The following SLC19A1 variants were observed in gnomAD, a reference collection of about 807,000 sequenced individuals.
SLC19A1 encodes solute carrier family 19 member 1, also known as reduced folate transporter.
Under a neutral mutation model 35.3 loss-of-function variants are expected in SLC19A1, and 37 were observed. The observed-to-expected ratio is 1.05, with a 90% CI of 0.81 to 1.38. The LOEUF (loss-of-function observed/expected upper bound fraction) is 1.38. SLC19A1 is among the 40% of genes most tolerant of loss of function. The pLI, the probability that SLC19A1 is intolerant of heterozygous loss-of-function variation, is 0.00. For missense variants in SLC19A1, 831 were observed against 826.9 expected, an observed-to-expected ratio of 1.00 and a Z score of -0.06; for synonymous variants, 460 against 398.5, an observed-to-expected ratio of 1.15 and a Z score of -1.84.
intron 2 of SLC19A1, among the ~76,000 whole-genome samples, chr21:45,535,078 G>A (rs1476801536): frequency 6.6e-6 from 1 of 152,264 alleles, no homozygotes; most frequent in Non-Finnish European, 1.5e-5. Context: ...CAGCAGGACT[G>A]GATGCCACAG....
chr21:45,512,421 C>T (rs776540420), downstream of SLC19A1: 104 of 1,605,936 alleles, frequency 6.5e-5, no homozygotes, highest in South Asian at 8.1e-4. Flanking sequence ...TGCGGATGGC[C>T]GGAGAGGACC....
chr21:45,515,436 C>T lies in SLC19A1; in HGVS notation c.*222G>A, dbSNP rs1459084363. ...ACCCACCTCTTCCAGCAACAAAGCC[C>T]GCGGGGCACAGTGCAGGGACAGCAT... On this transcript the variant is annotated 3_prime_UTR_variant, in exon 6 of 6. Transcript: ENST00000311124. 30 of 1,454,878 alleles carry T rather than the reference C, an allele frequency of 2.1e-5. No homozygotes were observed. Among genetic ancestry groups the T allele is most frequent in the Admixed American group, 2.8e-5 (1 of 35,662 alleles). 90.1% of individuals were successfully genotyped at this position (1,454,878 alleles called of 1,614,324 possible).
At chr21:45,539,004 G>A (rs907768462) in intron 1 of SLC19A1, among the ~76,000 whole-genome samples, 34 of 152,300 alleles carry the variant, frequency 2.2e-4, no homozygotes, top group African/African-American at 7.5e-4. Context: ...GCGGGCAAGG[G>A]CACGTCTCAC....
chr21:45,530,802 G>T lies in SLC19A1; in HGVS notation c.1119C>A (p.Arg373=). The T allele has an allele frequency of 6.4e-7, 1 of 1,566,490 alleles. No homozygotes were observed. Among genetic ancestry groups the T allele is most frequent in the East Asian group, 2.4e-5 (1 of 42,480 alleles). ...TGGGCACGAGGAACTGGTAGGAGCC[G>T]CGGAACAGCACGAAGGCCGCATAGC... ...WLCYAAFVLF[R]GSYQFLVPIA... is the part of the protein sequence containing the mutation. The change falls in exon 4 of 6, where the codon CGC becomes CGA. Residue 373 remains arginine (R), a synonymous_variant. Coordinates refer to ENST00000311124, the MANE Select transcript of SLC19A1 (RefSeq NM_194255.4). This position sits in a 1 kb window ranked among gnomAD's most constrained non-coding sequence, Gnocchi z 5.3.
At chr21:45,528,238 G>A (rs1371545690) in intron 4 of SLC19A1, among the ~76,000 whole-genome samples, 1 of 152,160 alleles carries the variant, frequency 6.6e-6, no homozygotes, top group African/African-American at 2.4e-5. Flanking sequence ...GCGCTGGGCA[G>A]GGCAGAGCCC....
chr21:45,505,292 G>T lies in SLC19A1; in HGVS notation c.498-6680C>A, dbSNP rs2037127539. The T allele has an allele frequency of 1.2e-6, 2 of 1,607,794 alleles. No individual in the cohort carries two copies. The highest frequency in any genetic ancestry group is 2.2e-5 in the South Asian group (2 of 90,826). ...CTCACAGGCAGAGTAAGTCAGTGGG[G>T]AGTGGGCCCCGGGCAGAGGCCGCCT... On this transcript the variant is annotated intron_variant, in intron 3 of 4. Transcript: ENST00000417954.
chr21:45,558,806 CTTTTTTCTTTTTTT>C (rs1166480543), intron 1 of SLC19A1, among the ~76,000 whole-genome samples: 3 of 139,002 alleles, frequency 2.2e-5, no homozygotes, highest in Non-Finnish European at 3.2e-5. Context: ...TTTTCTTTTT[CTTTTTTCTTTTTTT>C]TTTTTTTGAG....
In SLC19A1 at chr21:45,514,702, A is replaced by C. The variant is rs1184302028; in HGVS notation, c.*956T>G. 1 of 327,878 alleles carries C rather than the reference A, an allele frequency of 3.0e-6. No individual in the cohort carries two copies. The highest frequency in any genetic ancestry group is 2.1e-5 in the African/African-American group (1 of 46,830). The allele number at this position is 327,878 out of a possible 1,614,324, so 20.3% of individuals were successfully genotyped here. The stretch of plus-strand genomic sequence containing the variant: ...CAGGCCAGGCCGGCCCTGAATCAGA[A>C]GCCCTGCGCACACTCACTTAAGTGT... On this transcript the variant is annotated 3_prime_UTR_variant, in exon 6 of 6. Coordinates refer to ENST00000311124, the MANE Select transcript of SLC19A1 (RefSeq NM_194255.4).
intron 4 of SLC19A1, among the ~76,000 whole-genome samples, chr21:45,529,863 T>C (rs2077798407): frequency 6.6e-6 from 1 of 150,562 alleles, no homozygotes; most frequent in African/African-American, 2.5e-5. Flanking sequence ...TGTGTAAGCA[T>C]ATGGTGCATT....
downstream of SLC19A1, chr21:45,507,713 C>A: frequency 1.1e-6 from 1 of 927,416 alleles, no homozygotes; most frequent in Non-Finnish European, 1.7e-6. Context: ...ACATGTGGCT[C>A]ACCATCAGCC....
At chr21:45,522,059 A>C (rs1416746962) in intron 5 of SLC19A1, among the ~76,000 whole-genome samples, 1 of 152,240 alleles carries the variant, frequency 6.6e-6, no homozygotes, top group East Asian at 1.9e-4. Context: ...AGTTGAAAAA[A>C]AAATTGCAAA....
rs1174411201 is a variant in SLC19A1 at position 45,542,385 on chromosome 21, GGC to G, written c.-69_-68del. The G allele has an allele frequency of 1.3e-5, 2 of 151,484 alleles. No homozygotes were observed. The highest frequency in any genetic ancestry group is 1.5e-5 in the Non-Finnish European group (1 of 67,822). The allele number at this position is 151,484 out of a possible 1,614,324, so 9.4% of individuals were successfully genotyped here. On this transcript the variant is annotated 5_prime_UTR_variant, in exon 1 of 6. Coordinates refer to ENST00000311124, the MANE Select transcript of SLC19A1 (RefSeq NM_194255.4). ...ACCGGTACCTGCGACTCGGCGGGGC[GGC>G]TGCCCTGGGGCTCCCGGACCCGGCC... is the stretch of plus-strand genomic sequence containing the variant.
At chr21:45,549,378 A>G (rs1232481435), upstream of SLC19A1, among the ~76,000 whole-genome samples, 1 of 151,796 alleles carries the variant, frequency 6.6e-6, no homozygotes, top group Non-Finnish European at 1.5e-5. Flanking sequence ...GGTAGAGGTT[A>G]ATGGTTGTGT....
rs1209032422 is a variant in SLC19A1, at chr21:45,515,130, G to A, written c.*528C>T. ...GAGATGGCTTTTCCACAGAGACAGA[G>A]AAGCCACATGCAGTTCTTCATTCTA... On this transcript the variant is annotated 3_prime_UTR_variant, in exon 6 of 6. Coordinates refer to ENST00000311124, the MANE Select transcript of SLC19A1 (RefSeq NM_194255.4). 1 of 1,538,228 alleles carries A rather than the reference G, an allele frequency of 6.5e-7. No homozygotes were observed. The highest frequency in any genetic ancestry group is 2.1e-5 in the Admixed American group (1 of 47,460).
intron 3 of SLC19A1, chr21:45,504,494 A>T (rs1172202551): frequency 6.5e-7 from 1 of 1,547,682 alleles, no homozygotes; most frequent in South Asian, 1.1e-5. Flanking sequence ...CTTCGGCTCC[A>T]GCCTGCCCGG....
At chr21:45,537,720 C>CT in intron 2 of SLC19A1, 51 bp downstream of exon 2, 2 of 96,426 alleles carry the variant, frequency 2.1e-5, no homozygotes, top group South Asian at 2.2e-4. Context: ...AGACGCTGCT[C>CT]CCCGCCCACC....
At chr21:45,522,980 C>A (rs770362232) in intron 5 of SLC19A1, among the ~76,000 whole-genome samples, 2 of 152,070 alleles carry the variant, frequency 1.3e-5, no homozygotes, top group Non-Finnish European at 2.9e-5. Flanking sequence ...AAACTGGGTA[C>A]GGGGTACATG....
intron 1 of SLC19A1, among the ~76,000 whole-genome samples, chr21:45,539,439 T>C (rs946906465): frequency 6.6e-6 from 1 of 152,002 alleles, no homozygotes; most frequent in Non-Finnish European, 1.5e-5. Flanking sequence ...CTTGGGAGGG[T>C]GGCAGGGGGT....
chr21:45,504,927 G>C (rs1763512311), intron 3 of SLC19A1, among the ~76,000 whole-genome samples: 1 of 150,024 alleles, frequency 6.7e-6, no homozygotes, highest in African/African-American at 2.5e-5. Flanking sequence ...TCAGGTCTCT[G>C]CTGGTCTCTC....
Sources: gnomAD v4.1 joint callset for allele counts (sites outside exome capture counted in the v4.1 genomes callset) on GRCh38, gnomAD v4.1.1 for gene constraint, Gnocchi (gnomAD v3.1) non-coding constraint, MANE v1.5 for transcripts, NCBI Gene and HGNC (gene_info 2026-07-23, HGNC 2026-07-21) for gene names.